The following SAMD4B variants were observed in gnomAD, a reference collection of about 807,000 sequenced individuals.
SAMD4B encodes protein Smaug homolog 2.
In SAMD4B, 5 loss-of-function variants were observed where a neutral mutation model predicts 74.5. That is an observed-to-expected ratio of 0.07 (90% CI 0.04 to 0.14). SAMD4B has a LOEUF of 0.14. SAMD4B is among the 10% of genes least tolerant of loss of function. SAMD4B has a pLI of 1.00. For missense variants in SAMD4B, 608 were observed against 921.8 expected, an observed-to-expected ratio of 0.66 and a Z score of 4.41; for synonymous variants, 373 against 374.9, an observed-to-expected ratio of 1.00 and a Z score of 0.06.
At chr19:39,365,428 C>T (rs34891759) in intron 3 of SAMD4B, among the ~76,000 whole-genome samples, 5,025 of 151,752 alleles carry the variant, frequency 0.033, 101 homozygotes, top group Non-Finnish European at 0.046. Flanking sequence ...GTGGCGTGCG[C>T]CTGTAATCCC....
intron 4 of SAMD4B, among the ~76,000 whole-genome samples, chr19:39,374,684 C>CA (rs2145765304): frequency 6.6e-6 from 1 of 151,708 alleles, no homozygotes; most frequent in Admixed American, 6.6e-5. Context: ...TACTAAAATA[C>CA]AAAAAAATTA....
In SAMD4B at chr19:39,378,593, A is replaced by G. The variant is rs1467951598; in HGVS notation, c.1530+4A>G. The G allele has an allele frequency of 6.2e-7, 1 of 1,613,462 alleles. No homozygotes were observed. Among genetic ancestry groups the G allele is most frequent in the Admixed American group, 1.7e-5 (1 of 60,012 alleles). Reference sequence around the variant, plus strand: ...CGAAAAGTGCCTGACTCATGAGGTAAGGCCTTCCCTAGCATACTCAAAAAG... The same window carrying G: ...CGAAAAGTGCCTGACTCATGAGGTAGGGCCTTCCCTAGCATACTCAAAAAG... On this transcript the variant is annotated splice_donor_region_variant and intron_variant, in intron 9 of 13. Transcript: ENST00000610417. This position sits in a 1 kb window ranked among gnomAD's most constrained non-coding sequence, Gnocchi z 4.4.
At chr19:39,352,703 G>A (rs763815209) in intron 1 of SAMD4B, among the ~76,000 whole-genome samples, 5 of 151,088 alleles carry the variant, frequency 3.3e-5, no homozygotes, top group East Asian at 2.0e-4. Flanking sequence ...TGCTTCTATC[G>A]TTTGGCCTGG....
In SAMD4B at chr19:39,380,036, T is replaced by G; in HGVS notation, c.1601T>G (p.Phe534Cys). The change falls in exon 10 of 14, where the codon TTC becomes TGC. Residue 534 changes from phenylalanine to cysteine, a missense_variant. Coordinates refer to ENST00000610417, the MANE Select transcript of SAMD4B (RefSeq NM_001384574.2). ...KQQVLKLLRT[F>C]PRKAALEMQN... Reference sequence around the variant, plus strand: ...CAAGTGCTGAAGCTCCTCCGGACATTCCCGCGCAAAGCCGCACTAGAGATG... The same window carrying G: ...CAAGTGCTGAAGCTCCTCCGGACATGCCCGCGCAAAGCCGCACTAGAGATG... The G allele has an allele frequency of 6.2e-7, 1 of 1,613,952 alleles. No homozygotes were observed. Among genetic ancestry groups the G allele is most frequent in the Non-Finnish European group, 8.5e-7 (1 of 1,179,950 alleles).
chr19:39,360,207 T>A (rs533086027), intron 3 of SAMD4B: 44 of 151,656 alleles, frequency 2.9e-4, no homozygotes, highest in African/African-American at 8.9e-4. Flanking sequence ...AATAAAAAAA[T>A]AAAATAAAAT....
Position 39,377,921 on chromosome 19 carries a change from G to T in SAMD4B, c.1444+97G>T, listed in dbSNP as rs1007814057. 16 of 1,167,466 alleles carry T rather than the reference G, an allele frequency of 1.4e-5. No homozygotes were observed. In the African/African-American group the frequency reaches 2.2e-4, roughly 16 times the overall value. The allele number at this position is 1,167,466 out of a possible 1,614,324, so 72.3% of individuals were successfully genotyped here. On this transcript the variant is annotated intron_variant, in intron 8 of 13. Transcript: ENST00000610417. Reference sequence around the variant, plus strand: ...ATCCAAGTTCGATGGTGGGAGCAGGGCTTTGTAAAGCCTACTGGAGACTGG... The same window carrying T: ...ATCCAAGTTCGATGGTGGGAGCAGGTCTTTGTAAAGCCTACTGGAGACTGG...
At chr19:39,390,098 C>T (rs1208482774), downstream of SAMD4B, 1 of 1,613,946 alleles carries the variant, frequency 6.2e-7, no homozygotes, top group African/African-American at 1.3e-5. Flanking sequence ...AGGTGATGAA[C>T]TTGGGGTCGA....
At chr19:39,366,685 A>G (rs1325546170) in intron 3 of SAMD4B, among the ~76,000 whole-genome samples, 1 of 152,176 alleles carries the variant, frequency 6.6e-6, no homozygotes, top group South Asian at 2.1e-4. Context: ...GGCTACAGAC[A>G]GGGCATTTCT....
intron 3 of SAMD4B, chr19:39,369,406 C>G: frequency 1.9e-6 from 1 of 513,272 alleles, no homozygotes; most frequent in Non-Finnish European, 3.5e-6. Flanking sequence ...TTGTGAATAG[C>G]CACTGCACTG....
At chr19:39,372,956 C>G (rs1049291953) in intron 4 of SAMD4B, among the ~76,000 whole-genome samples, 1 of 152,142 alleles carries the variant, frequency 6.6e-6, no homozygotes, top group African/African-American at 2.4e-5. Flanking sequence ...TGGGGTAGGG[C>G]AGAAACTGGT....
At position 39,370,071 on chromosome 19, in the gene SAMD4B, C is replaced by G. The variant is rs763525999; in HGVS notation, c.613C>G (p.Pro205Ala). ...PRENGHVPFHPSSSVPPAINS... is the reference protein window; with the variant it reads ...PRENGHVPFHASSSVPPAINS... Reference sequence around the variant, plus strand: ...GGAAAATGGACACGTGCCCTTCCACCCATCCAGCTCAGTGCCGCCAGCCAT... The same window carrying G: ...GGAAAATGGACACGTGCCCTTCCACGCATCCAGCTCAGTGCCGCCAGCCAT... Residue 205 changes from proline to alanine, a missense_variant, in exon 4 of 14, where the codon CCA (proline) becomes GCA (alanine). Coordinates refer to ENST00000610417, the MANE Select transcript of SAMD4B (RefSeq NM_001384574.2). 2 of 1,610,330 alleles carry G rather than the reference C, an allele frequency of 1.2e-6. No homozygotes were observed. Among genetic ancestry groups the G allele is most frequent in the Middle Eastern group, 1.7e-4 (1 of 6,054 alleles).
downstream of SAMD4B, chr19:39,388,993 G>T: frequency 6.2e-7 from 1 of 1,614,128 alleles, no homozygotes; most frequent in South Asian, 1.1e-5. Context: ...TGTGACTCGG[G>T]GTTTGCTGTA....
At chr19:39,346,667 C>G (rs2075723355) in intron 1 of SAMD4B, among the ~76,000 whole-genome samples, 1 of 152,182 alleles carries the variant, frequency 6.6e-6, no homozygotes, top group Non-Finnish European at 1.5e-5. Context: ...TCTGTGGGCA[C>G]TGTCCATTCC....
downstream of SAMD4B, chr19:39,386,912 T>TA (rs1484338918): frequency 4.2e-6 from 3 of 717,158 alleles, no homozygotes; most frequent in East Asian, 2.6e-5. This position sits in a 1 kb window ranked among gnomAD's most constrained non-coding sequence, Gnocchi z 6.1. Context: ...CATCAATACT[T>TA]AGAGTAAATG....
chr19:39,361,889 T>G (rs1212120701), intron 3 of SAMD4B, among the ~76,000 whole-genome samples: 2 of 152,020 alleles, frequency 1.3e-5, no homozygotes, highest in Non-Finnish European at 2.9e-5. Flanking sequence ...ATCGCACCAC[T>G]GCACTCCAGC....
intron 3 of SAMD4B, among the ~76,000 whole-genome samples, chr19:39,359,677 T>C (rs994927860): frequency 2.6e-5 from 4 of 152,202 alleles, no homozygotes; most frequent in Admixed American, 6.5e-5. Context: ...TCTGGAGATA[T>C]TAAATGACTT....
intron 12 of SAMD4B, among the ~76,000 whole-genome samples, chr19:39,381,909 G>T (rs116801886): frequency 6.6e-6 from 1 of 152,160 alleles, no homozygotes. Flanking sequence ...TGCAGCCAGG[G>T]CGACAGTGAG....
At chr19:39,358,542 A>C (rs2076466589) in intron 3 of SAMD4B, among the ~76,000 whole-genome samples, 1 of 151,286 alleles carries the variant, frequency 6.6e-6, no homozygotes, top group Non-Finnish European at 1.5e-5. Flanking sequence ...GAGCCACCGC[A>C]CCCAGCCAGT....
In SAMD4B at chr19:39,375,286, G is replaced by A. The variant is rs143143088; in HGVS notation, c.668-364G>A. Among the ~76,000 whole-genome samples the A allele has an allele frequency of 3.3e-5, 5 of 152,164 alleles. No homozygotes were observed. Among genetic ancestry groups the A allele is most frequent in the African/African-American group, 7.2e-5 (3 of 41,432 alleles). On this transcript the variant is annotated intron_variant, in intron 4 of 13. Transcript: ENST00000610417. The surrounding 1 kb of genome is among the most constrained non-coding windows in gnomAD (Gnocchi z 4.1). ...AGGGATTTGAGCAGGAGTCAGGCTC[G>A]GTCAGATTTGCATTTTTAGAAGGAC...
Sources: allele counts gnomAD v4.1 joint callset (sites outside exome capture counted in the v4.1 genomes callset), GRCh38; gene constraint gnomAD v4.1.1; non-coding constraint Gnocchi (gnomAD v3.1); transcripts MANE v1.5; gene names NCBI Gene and HGNC (gene_info 2026-07-23, HGNC 2026-07-21).